IL32: variants seen among roughly 807,000 people sequenced by gnomAD.
IL32 encodes interleukin 32.
In IL32, 30 loss-of-function variants were observed where a neutral mutation model predicts 16.6. That is an observed-to-expected ratio of 1.81 (90% CI 1.35 to 2.45). IL32 has a LOEUF of 2.45. Ranked by LOEUF, IL32 falls within the 30% of genes most tolerant of loss-of-function variation. IL32 has a pLI of 0.00. For synonymous variants in IL32, 70 were observed against 86.1 expected, an observed-to-expected ratio of 0.81 and a Z score of 1.03; for missense variants, 234 against 229.8, an observed-to-expected ratio of 1.02 and a Z score of -0.12.
At position 3,068,051 on chromosome 16, in the gene IL32, G is replaced by T. The variant is rs766317357; in HGVS notation, c.141+41G>T. 1.2e-5 allele frequency: 20 copies of T among 1,613,352 alleles called. No individual in the cohort carries two copies. The South Asian group carries it at 2.1e-4, about 17-fold the overall frequency. ...CCCCTCCACCAAGCTTAGTCCCTGG[G>T]TCTTAGGCTCCACAGGACACTGGGT... is the stretch of plus-strand genomic sequence containing the variant. On this transcript the variant is annotated intron_variant, in intron 5 of 6. Coordinates refer to ENST00000525643, the MANE Select transcript of IL32 (RefSeq NM_001376923.1).
chr16:3,069,340 C>T lies in IL32; in HGVS notation c.552C>T (p.Pro184=). 6.3e-7 allele frequency: 1 copy of T among 1,594,910 alleles called. No individual in the cohort carries two copies. The change falls in exon 7 of 7, where the codon CCC becomes CCT. Residue 184 remains proline, a synonymous_variant. Coordinates refer to ENST00000525643, the MANE Select transcript of IL32 (RefSeq NM_001376923.1). The part of the protein sequence containing the change: ...EELTPQKCSE[P]QSSK ...TGACACCCCAGAAGTGCTCTGAACC[C>T]CAATCCTCAAAATGAAGATACTGAC... is the stretch of plus-strand genomic sequence containing the variant.
chr16:3,067,285 G>C lies in IL32; in HGVS notation c.16-92G>C, dbSNP rs746607963. 73 of 544,410 alleles carry C rather than the reference G, an allele frequency of 1.3e-4. 1 individual carries two copies. The highest frequency in any genetic ancestry group is 4.4e-4 in the Middle Eastern group (1 of 2,248). The allele number at this position is 544,410 out of a possible 1,614,324, so 33.7% of individuals were successfully genotyped here. A position where few individuals can be genotyped will look rare whatever the true frequency, so the allele number is the denominator to read the frequency against. On this transcript the variant is annotated intron_variant, in intron 2 of 6. Coordinates refer to ENST00000525643, the MANE Select transcript of IL32 (RefSeq NM_001376923.1). ...GCCATGTGTCTCTGTGTGTGTGTGT[G>C]TGTGTGTGTGTGTGTGTGTGTGTGT...
chr16:3,067,684 C>A lies in IL32; in HGVS notation c.114+71C>A, dbSNP rs147586298. On this transcript the variant is annotated intron_variant, in intron 4 of 6. Transcript: ENST00000525643. ...CAGGCACTCCACCCTGTGTGGGGCT[C>A]AGGGTGAGAAGGATGAAGAGGGACC... 3.7e-5 allele frequency: 44 copies of A among 1,204,520 alleles called. No homozygotes were observed. The African/African-American group carries it at 6.3e-4, about 17-fold the overall frequency. 74.6% of individuals were successfully genotyped at this position (1,204,520 alleles called of 1,614,324 possible). A position where few individuals can be genotyped will look rare whatever the true frequency, so the allele number is the denominator to read the frequency against.
chr16:3,067,681 G>GCCCCA, intron 4 of IL32, 68 bp downstream of exon 4: 1 of 1,217,178 alleles, frequency 8.2e-7, no homozygotes, highest in Non-Finnish European at 1.2e-6. Context: ...CCTGTGTGGG[G>GCCCCA]CTCAGGGTGA....
At position 3,067,602 on chromosome 16, in the gene IL32, G is replaced by T. The variant is rs758158107; in HGVS notation, c.103G>T (p.Gly35Ter). ...FYDKMQNAESGRGQVMSSLAE... is the reference protein window; with the variant it reads ...FYDKMQNAES ...TGATAAAATGCAAAATGCAGAATCA[G>T]GACGTGGACAGGTGGGTGGATTTCC... Residue 35 changes from glycine to a stop codon, truncating the protein, a stop_gained, in exon 4 of 7, where the codon GGA becomes TGA. Transcript: ENST00000525643. LOFTEE classifies it high-confidence loss of function. 2.5e-6 allele frequency: 4 copies of T among 1,612,204 alleles called. No homozygotes were observed. The Admixed American group carries it at 6.7e-5, about 27-fold the overall frequency.
At chr16:3,066,982 GGTCACCTAGGCCCACGCAGGC>G (rs1439121979) in intron 2 of IL32, among the ~76,000 whole-genome samples, 4 of 96,382 alleles carry the variant, frequency 4.2e-5, no homozygotes, top group African/African-American at 1.5e-4. Context: ...TGTGAGGAGG[GGTCACCTAGGCCCACGCAGGC>G]CCTGCTCTTG....
At position 3,068,921 on chromosome 16, in the gene IL32, C is replaced by G. The variant is rs916999945; in HGVS notation, c.202-69C>G. On this transcript the variant is annotated intron_variant, in intron 6 of 6. Transcript: ENST00000525643. The stretch of plus-strand genomic sequence containing the variant: ...CAGGGTCAGGAAAAGGCTGAGAGGC[C>G]TGGGTGTGGCCAGGGCCTGGGGCTG... The G allele has an allele frequency of 5.0e-6, 8 of 1,602,306 alleles. No homozygotes were observed. The Admixed American group carries it at 1.4e-4, about 27-fold the overall frequency.
At chr16:3,065,911 G>T (rs1956257219) in intron 2 of IL32, 85 bp downstream of exon 2, 3 of 1,528,636 alleles carry the variant, frequency 2.0e-6, no homozygotes, top group South Asian at 1.1e-5. Context: ...TTCCCGAGGT[G>T]CCTGTGTGTC....
intron 2 of IL32, among the ~76,000 whole-genome samples, 164 bp from the exon 3 acceptor site, chr16:3,067,213 C>T (rs1956441268): frequency 6.6e-6 from 1 of 151,680 alleles, no homozygotes; most frequent in African/African-American, 2.4e-5. Context: ...TCTTTCCAGG[C>T]TGTGAGGGGC....
intron 2 of IL32, 73 bp from the exon 3 acceptor site, chr16:3,067,301 GTGT>G (rs1956483169): frequency 2.8e-6 from 2 of 719,324 alleles, no homozygotes; most frequent in Non-Finnish European, 4.8e-6. Context: ...GTGTGTGTGT[GTGT>G]GTGTGTATAA....
chr16:3,069,327 A>G lies in IL32; in HGVS notation c.539A>G (p.Lys180Arg). ...RGDKEELTPQ[K>R]CSEPQSSK ...GACAAGGAGGAGCTGACACCCCAGAAGTGCTCTGAACCCCAATCCTCAAAA... is the reference window on the plus strand; with the variant it reads ...GACAAGGAGGAGCTGACACCCCAGAGGTGCTCTGAACCCCAATCCTCAAAA... Residue 180 changes from lysine (K) to arginine (R), a missense_variant, in exon 7 of 7, where the codon AAG (lysine) becomes AGG (arginine). By Grantham distance (26) the Lys-to-Arg change is conservative. This residue lies in a region of IL32 where 53 missense variants were observed against 46.1 expected (regional missense o/e 1.15). Transcript: ENST00000525643. The G allele has an allele frequency of 6.2e-7, 1 of 1,608,178 alleles. No homozygotes were observed. Among genetic ancestry groups the G allele is most frequent in the South Asian group, 1.1e-5 (1 of 90,624 alleles).
rs758158107 is a variant in IL32, at chr16:3,067,602, G to C, written c.103G>C (p.Gly35Arg). The C allele has an allele frequency of 5.0e-6, 8 of 1,612,204 alleles. No homozygotes were observed. In the East Asian group the frequency reaches 1.8e-4, roughly 36 times the overall value. The change falls in exon 4 of 7, where the codon GGA becomes CGA. Residue 35 changes from glycine to arginine, a missense_variant. Around this residue, in one of 3 missense-constraint regions of IL32, gnomAD observed 137 missense variants for 80.7 expected, o/e 1.70. Transcript: ENST00000525643. ...TGATAAAATGCAAAATGCAGAATCAGGACGTGGACAGGTGGGTGGATTTCC... is the reference window on the plus strand; with the variant it reads ...TGATAAAATGCAAAATGCAGAATCACGACGTGGACAGGTGGGTGGATTTCC... ...FYDKMQNAES[G>R]RGQVMSSLAE...
intron 2 of IL32, among the ~76,000 whole-genome samples, chr16:3,066,930 C>G (rs1042424010): frequency 6.7e-6 from 1 of 148,218 alleles, no homozygotes; most frequent in African/African-American, 2.6e-5. Context: ...AGGCCCTGCT[C>G]TTGTGAGGAG....
intron 1 of IL32, 21 bp from the exon 2 acceptor site, chr16:3,065,763 A>T (rs1481699429): frequency 1.2e-6 from 2 of 1,613,158 alleles, no homozygotes; most frequent in Non-Finnish European, 1.7e-6. Flanking sequence ...TCTTTTCCTC[A>T]CACCTGTTCC....
intron 2 of IL32, among the ~76,000 whole-genome samples, chr16:3,067,007 GCTCTTGT>G (rs1956400543): frequency 2.6e-5 from 2 of 77,836 alleles, no homozygotes; most frequent in Non-Finnish European, 5.8e-5. Flanking sequence ...CGCAGGCCCT[GCTCTTGT>G]GAGGAGGGGT....
At chr16:3,066,270 C>T (rs1044124880) in intron 2 of IL32, among the ~76,000 whole-genome samples, 40 of 152,330 alleles carry the variant, frequency 2.6e-4, no homozygotes, top group East Asian at 3.9e-4. Flanking sequence ...CCACCACACC[C>T]TCCAGGGAGC....
At chr16:3,067,772 G>A (rs921424459) in intron 4 of IL32, 159 bp downstream of exon 4, 1 of 821,070 alleles carries the variant, frequency 1.2e-6, no homozygotes, top group South Asian at 1.6e-5. Context: ...TGAGTGGGCG[G>A]GTGGGGGATC....
intron 4 of IL32, 170 bp downstream of exon 4, chr16:3,067,783 T>C: frequency 1.2e-6 from 1 of 810,776 alleles, no homozygotes. Flanking sequence ...GTGGGGGATC[T>C]GGACGCCCGG....
chr16:3,068,251 AC>A lies in IL32; in HGVS notation c.201+13del, dbSNP rs1489999073. ...AGGAGCAGCACCCAGTGAGTATGAC[AC>A]ACCCATCTGGGCACCTTGCCTTCCT... On this transcript the variant is annotated intron_variant, in intron 6 of 6. Transcript: ENST00000525643. 6.3e-7 allele frequency: 1 copy of A among 1,585,222 alleles called. No homozygotes were observed. The highest frequency in any genetic ancestry group is 1.1e-5 in the South Asian group (1 of 87,350).
Sources: gnomAD v4.1 joint callset for allele counts (sites outside exome capture counted in the v4.1 genomes callset) on GRCh38, gnomAD v4.1.1 for gene constraint, gnomAD v4.1.1 regional missense constraint, MANE v1.5 for transcripts, NCBI Gene and HGNC (gene_info 2026-07-23, HGNC 2026-07-21) for gene names.